The following TRPA1 variants were observed in gnomAD, a reference collection of about 807,000 sequenced individuals.
TRPA1 encodes transient receptor potential cation channel subfamily A member 1.
A neutral mutation model predicts 131.3 loss-of-function variants in TRPA1; 129 were observed. The ratio of observed to expected loss-of-function variants is 0.98; its 90% CI spans 0.85 to 1.14. The LOEUF is 1.14. TRPA1 is among the 50% of genes most tolerant of loss of function. The pLI, the probability that TRPA1 is intolerant of heterozygous loss-of-function variation, is 0.00. For synonymous variants in TRPA1, 441 were observed against 451.7 expected (o/e 0.98, Z 0.30); for missense variants, 1,304 against 1,354.2 (o/e 0.96, Z 0.58).
chr8:72,025,918 A>C, intron 25 of TRPA1, 42 bp downstream of exon 25: 1 of 1,519,500 alleles, frequency 6.6e-7, no homozygotes, highest in Non-Finnish European at 9.1e-7. Flanking sequence ...AATGTCAAAC[A>C]GTGTCATGTT....
intron 21 of TRPA1, 44 bp downstream of exon 21, chr8:72,036,244 T>G (rs1349464690): frequency 6.3e-7 from 1 of 1,598,670 alleles, no homozygotes; most frequent in African/African-American, 1.3e-5. Flanking sequence ...CTTTTGATAT[T>G]AAAAATGCTT....
the TRPA1 span, among the ~76,000 whole-genome samples, chr8:72,088,823 T>TC: frequency 6.6e-6 from 1 of 152,114 alleles, no homozygotes; most frequent in Non-Finnish European, 1.5e-5. Context: ...CTCTTTCTAC[T>TC]CCCCAGAAGA....
chr8:72,034,402 T>A, intron 21 of TRPA1, 25 bp from the exon 22 acceptor site: 1 of 1,342,822 alleles, frequency 7.4e-7, no homozygotes, highest in Non-Finnish European at 1.0e-6. Flanking sequence ...AAAAAAAAAT[T>A]TACTCACTTT....
intron 2 of TRPA1, among the ~76,000 whole-genome samples, chr8:72,070,026 T>C (rs905755466): frequency 7.9e-5 from 12 of 152,196 alleles, no homozygotes; most frequent in Admixed American, 2.6e-4. Context: ...TGCAATACCA[T>C]ATATGGTACT....
chr8:72,037,413 GTAGGACCTGCAGA>G (rs1008455937), intron 20 of TRPA1, among the ~76,000 whole-genome samples: 1 of 152,010 alleles, frequency 6.6e-6, no homozygotes, highest in Non-Finnish European at 1.5e-5. Flanking sequence ...TCAACCAAAG[GTAGGACCTGCAGA>G]TAATTTATAC....
chr8:72,024,291 C>G (rs1169736859), intron 25 of TRPA1, among the ~76,000 whole-genome samples: 1 of 152,174 alleles, frequency 6.6e-6, no homozygotes, highest in Non-Finnish European at 1.5e-5. Flanking sequence ...CAATACAACT[C>G]AACCAATCAA....
chr8:72,050,757 A>G lies in TRPA1; in HGVS notation c.1905+21T>C, dbSNP rs758793530. 4 of 1,513,770 alleles carry G rather than the reference A, an allele frequency of 2.6e-6. No individual in the cohort carries two copies. In the African/African-American group the frequency reaches 5.5e-5, roughly 21 times the overall value. 93.8% of individuals were successfully genotyped at this position (1,513,770 alleles called of 1,614,324 possible). A position where few individuals can be genotyped will look rare whatever the true frequency, so the allele number is the denominator to read the frequency against. ...TATGTCAAGCATAAACCCGGGAAGA[A>G]TTTTGTTTTAGAGAATTTACCTTCA... On this transcript the variant is annotated intron_variant, in intron 15 of 26. Transcript: ENST00000262209.
At chr8:72,075,658 G>C (rs905964196), upstream of TRPA1, 3 of 547,722 alleles carry the variant, frequency 5.5e-6, no homozygotes, top group East Asian at 9.5e-5. Flanking sequence ...TAGAAACGCG[G>C]AGCTCCTTCG....
intron 24 of TRPA1, among the ~76,000 whole-genome samples, chr8:72,028,682 C>T (rs1235194372): frequency 6.6e-6 from 1 of 152,154 alleles, no homozygotes; most frequent in South Asian, 2.1e-4. Flanking sequence ...CTATGAATAC[C>T]TAGCTGGTGT....
intron 12 of TRPA1, chr8:72,054,138 TAGG>T (rs965671716): frequency 2.7e-5 from 12 of 451,424 alleles, no homozygotes; most frequent in African/African-American, 2.2e-4. Context: ...CACTTTGGGG[TAGG>T]AGAAGTACGC....
In TRPA1 at chr8:72,052,723, C is replaced by T. The variant is rs774343110; in HGVS notation, c.1687G>A (p.Ala563Thr). 2 of 1,613,662 alleles carry T rather than the reference C, an allele frequency of 1.2e-6. No individual in the cohort carries two copies. The highest frequency in any genetic ancestry group is 1.7e-6 in the Non-Finnish European group (2 of 1,179,868). Residue 563 changes from alanine to threonine, a missense_variant, in exon 14 of 27, where the codon GCC (alanine) becomes ACC (threonine). Transcript: ENST00000262209. Reference sequence around the variant, plus strand: ...TTGTGGCTCAGAAGAAGCGCAACGGCTTTGGCGTGGCCTTCCCTTGCAGCA... The same window carrying T: ...TTGTGGCTCAGAAGAAGCGCAACGGTTTTGGCGTGGCCTTCCCTTGCAGCA... The part of the protein sequence containing the change: ...HFAAREGHAK[A>T]VALLLSHNAD...
chr8:72,043,624 T>C (rs961362118), intron 17 of TRPA1, among the ~76,000 whole-genome samples: 1 of 151,830 alleles, frequency 6.6e-6, no homozygotes, highest in Non-Finnish European at 1.5e-5. Context: ...TCTCCCTATC[T>C]TTCCATCTCT....
chr8:72,056,863 T>C, intron 10 of TRPA1, 54 bp downstream of exon 10: 2 of 1,215,178 alleles, frequency 1.6e-6, no homozygotes, highest in Non-Finnish European at 2.4e-6. Context: ...ACAAAATTAG[T>C]TTATTTTCTG....
intron 25 of TRPA1, among the ~76,000 whole-genome samples, chr8:72,025,090 CTGTGTGTGTGTGTTCGTGTG>C (rs1265266077): frequency 7.5e-6 from 1 of 133,954 alleles, no homozygotes; most frequent in Non-Finnish European, 1.6e-5. Context: ...ATAGTGGATG[CTGTGTGTGTGTGTTCGTGTG>C]TGTGTGTGTG....
chr8:72,069,368 C>G (rs1225342454), intron 2 of TRPA1, among the ~76,000 whole-genome samples, 170 bp from the exon 3 acceptor site: 1 of 152,068 alleles, frequency 6.6e-6, no homozygotes, highest in Non-Finnish European at 1.5e-5. Context: ...TAATGGGAAC[C>G]TAGTGGGAAT....
At chr8:72,076,419 G>C (rs760420349), upstream of TRPA1, 1 of 152,024 alleles carries the variant, frequency 6.6e-6, no homozygotes, top group South Asian at 2.1e-4. Flanking sequence ...AACTGTTGCC[G>C]TAAGTTCAGG....
chr8:72,030,356 C>G (rs1360423739), intron 23 of TRPA1, among the ~76,000 whole-genome samples: 1 of 152,110 alleles, frequency 6.6e-6, no homozygotes, highest in Non-Finnish European at 1.5e-5. Flanking sequence ...GATTAGGTTT[C>G]TATACATACA....
In TRPA1 at chr8:72,056,911, C is replaced by T. The variant is rs1394891827; in HGVS notation, c.1194+6G>A. ...CAGTTAATGGCAATCCACAGATATA[C>T]ATTACCTGCATAAATTCAGGTCGCA... On this transcript the variant is annotated splice_donor_region_variant and intron_variant, in intron 10 of 26. Coordinates refer to ENST00000262209, the MANE Select transcript of TRPA1 (RefSeq NM_007332.3). 6.3e-7 allele frequency: 1 copy of T among 1,596,776 alleles called. No individual in the cohort carries two copies. The highest frequency in any genetic ancestry group is 8.6e-7 in the Non-Finnish European group (1 of 1,168,266).
At chr8:72,023,703 G>T in intron 26 of TRPA1, 111 bp downstream of exon 26, 2 of 714,100 alleles carry the variant, frequency 2.8e-6, no homozygotes, top group Non-Finnish European at 4.8e-6. Context: ...TATCAATAAA[G>T]CAAGATAATA....
Sources: gnomAD v4.1 joint callset for allele counts (sites outside exome capture counted in the v4.1 genomes callset) on GRCh38, gnomAD v4.1.1 for gene constraint, MANE v1.5 for transcripts, NCBI Gene and HGNC (gene_info 2026-07-23, HGNC 2026-07-21) for gene names.